Variants in TACC2 observed in about 807,000 individuals in gnomAD.
TACC2 encodes the protein transforming acidic coiled-coil-containing protein 2.
A neutral mutation model predicts 227.3 loss-of-function variants in TACC2; 137 were observed. The ratio of observed to expected loss-of-function variants is 0.60; its 90% CI spans 0.52 to 0.69. The LOEUF (loss-of-function observed/expected upper bound fraction) is 0.69. TACC2 is among the 30% of genes least tolerant of loss of function. TACC2 has a pLI of 0.00. For missense variants in TACC2, 3,470 were observed against 3,694.4 expected (o/e 0.94, Z 1.57); for synonymous variants, 1,523 against 1,487.5 (o/e 1.02, Z -0.55).
chr10:122,018,433 G>T (rs1054389670), intron 1 of TACC2, among the ~76,000 whole-genome samples: 4 of 152,070 alleles, frequency 2.6e-5, no homozygotes, highest in African/African-American at 9.7e-5. Flanking sequence ...TTGAAAGTGA[G>T]CAATTCAGTG....
rs979196237 is a variant in TACC2, at chr10:122,083,984, A to C, written c.1484A>C (p.Gln495Pro). ...DPGEVPAPSP[Q>P]ERGEHLNTEQ... ...GGAGAGGTTCCTGCCCCATCACCCC[A>C]GGAGAGGGGAGAGCACTTGAACACG... Residue 495 changes from glutamine to proline, a missense_variant, in exon 4 of 23, where the codon CAG (glutamine) becomes CCG (proline). Around this residue, in one of 10 missense-constraint regions of TACC2, gnomAD observed 1,924 missense variants for 1,978.3 expected, o/e 0.97. Transcript: ENST00000369005. 3 of 1,613,914 alleles carry C rather than the reference A, an allele frequency of 1.9e-6. No individual in the cohort carries two copies. In the African/African-American group the frequency reaches 4.0e-5, roughly 22 times the overall value.
At chr10:122,152,656 C>G (rs928182322) in intron 7 of TACC2, among the ~76,000 whole-genome samples, 1 of 152,220 alleles carries the variant, frequency 6.6e-6, no homozygotes, top group Non-Finnish European at 1.5e-5. Flanking sequence ...GAGGTTGGCA[C>G]GTGGTACCAG....
chr10:122,195,478 G>T (rs2094536053), intron 8 of TACC2, among the ~76,000 whole-genome samples: 1 of 152,122 alleles, frequency 6.6e-6, no homozygotes, highest in Admixed American at 6.5e-5. Flanking sequence ...TTGGCCCCTT[G>T]CTCTTTTAAG....
chr10:122,253,890 C>G, intron 22 of TACC2, 101 bp from the exon 23 acceptor site: 1 of 912,482 alleles, frequency 1.1e-6, no homozygotes, highest in Non-Finnish European at 1.8e-6. Context: ...TAGTGGGGAC[C>G]AAGGGGCCTG....
At chr10:122,136,189 T>TC (rs1405516812) in intron 6 of TACC2, among the ~76,000 whole-genome samples, 2 of 152,122 alleles carry the variant, frequency 1.3e-5, no homozygotes, top group African/African-American at 2.4e-5. Flanking sequence ...ATTCAGTGTC[T>TC]CCTAATTCAG....
chr10:122,210,444 T>A lies in TACC2; in HGVS notation c.6019T>A (p.Ser2007Thr), dbSNP rs1284928578. The A allele has an allele frequency of 6.2e-7, 1 of 1,614,112 alleles. No individual in the cohort carries two copies. Among genetic ancestry groups the A allele is most frequent in the African/African-American group, 1.3e-5 (1 of 75,026 alleles). ...TGTCCCTGATGGCCCACGGAGCGAC[T>A]CGGTGGAAGGAAGTCCCTTCCGTCC... ...VPVPDGPRSD[S>T]VEGSPFRPPS... The change falls in exon 9 of 23, where the codon TCG (serine) becomes ACG (threonine). Residue 2007 changes from serine (S) to threonine (T), a missense_variant. Coordinates refer to ENST00000369005, the MANE Select transcript of TACC2 (RefSeq NM_206862.4). This position sits in a 1 kb window ranked among gnomAD's most constrained non-coding sequence, Gnocchi z 4.6.
intron 22 of TACC2, 100 bp downstream of exon 22, chr10:122,249,764 G>C (rs996152233): frequency 6.4e-6 from 9 of 1,401,424 alleles, no homozygotes; most frequent in African/African-American, 4.3e-5. Context: ...GGCCACTGCT[G>C]CTCCTGAAGA....
intron 7 of TACC2, among the ~76,000 whole-genome samples, chr10:122,193,066 A>G (rs987442752): frequency 6.6e-6 from 1 of 152,234 alleles, no homozygotes; most frequent in Non-Finnish European, 1.5e-5. Flanking sequence ...GCCCTTTGAT[A>G]TTAATGAGTG....
chr10:122,122,302 C>T (rs903786654), intron 5 of TACC2, among the ~76,000 whole-genome samples: 1 of 152,084 alleles, frequency 6.6e-6, no homozygotes, highest in African/African-American at 2.4e-5. Context: ...TTGCACTGAG[C>T]CGAGATCGTG....
rs776048491 is a variant in TACC2, at chr10:122,083,481, C to T, written c.981C>T (p.Ala327=). 20 of 1,613,142 alleles carry T rather than the reference C, an allele frequency of 1.2e-5. No individual in the cohort carries two copies. The highest frequency in any genetic ancestry group is 2.2e-5 in the South Asian group (2 of 91,090). ...CTGCCCCAGAAGCAGAAGTGAATGCCGCTTCCCAGGAGAGCTGCCAGCAGC... is the reference window on the plus strand; with the variant it reads ...CTGCCCCAGAAGCAGAAGTGAATGCTGCTTCCCAGGAGAGCTGCCAGCAGC... ...SGAAPEAEVN[A]ASQESCQQPV... Residue 327 remains alanine, a synonymous_variant, in exon 4 of 23, where the codon GCC becomes GCT. Transcript: ENST00000369005.
intron 3 of TACC2, among the ~76,000 whole-genome samples, chr10:122,069,563 C>T (rs1204031548): frequency 6.6e-6 from 1 of 152,048 alleles, no homozygotes; most frequent in Non-Finnish European, 1.5e-5. Flanking sequence ...CTTCTATCTC[C>T]AGGATTCCTG....
rs377261932 is a variant in TACC2, at chr10:122,189,974, C to G, written c.5835-5066C>G. ...TCTTCCAACTTCCAAGATTTTATGG[C>G]CTTTGCAATTTATTATTTCAAGCCC... On this transcript the variant is annotated intron_variant, in intron 7 of 22. Coordinates refer to ENST00000369005, the MANE Select transcript of TACC2 (RefSeq NM_206862.4). Among the ~76,000 whole-genome samples the G allele has an allele frequency of 7.9e-5, 12 of 152,284 alleles. No homozygotes were observed. The East Asian group carries it at 1.4e-3, about 17-fold the overall frequency.
chr10:122,170,173 A>G (rs2093395438), intron 7 of TACC2, among the ~76,000 whole-genome samples: 2 of 151,892 alleles, frequency 1.3e-5, no homozygotes, highest in African/African-American at 2.4e-5. Context: ...TGTGCATTCA[A>G]ACGAACCCAG....
intron 4 of TACC2, 104 bp from the exon 5 acceptor site, chr10:122,088,368 TAGTAGC>T: frequency 2.0e-6 from 2 of 990,056 alleles, no homozygotes. Context: ...TTTTTTTTTG[TAGTAGC>T]CACTTAAAAC....
At chr10:122,203,541 G>A (rs1329856738) in intron 8 of TACC2, among the ~76,000 whole-genome samples, 3 of 150,958 alleles carry the variant, frequency 2.0e-5, no homozygotes, top group Admixed American at 6.6e-5. Flanking sequence ...GGGCAGAGAC[G>A]CTCCTCACAT....
chr10:122,041,781 G>C (rs1344191854), intron 2 of TACC2, among the ~76,000 whole-genome samples: 1 of 152,210 alleles, frequency 6.6e-6, no homozygotes, highest in Non-Finnish European at 1.5e-5. Context: ...TCACCTGTCT[G>C]CTCCCACAGC....
chr10:122,123,682 C>T (rs1443796027), intron 5 of TACC2, among the ~76,000 whole-genome samples: 1 of 152,126 alleles, frequency 6.6e-6, no homozygotes, highest in African/African-American at 2.4e-5. Context: ...CTTTGCTTCT[C>T]TTTTCAAAAC....
In TACC2 at chr10:122,230,454, G is replaced by C. The variant is rs1303732557; in HGVS notation, c.8127+14G>C. The C allele has an allele frequency of 1.9e-6, 3 of 1,611,694 alleles. No homozygotes were observed. The highest frequency in any genetic ancestry group is 1.3e-5 in the African/African-American group (1 of 74,888). ...CAGGATGCCAAGGTACCGGTTTGCT[G>C]CTGCGTGCGCCACCTCCTGAGAATG... On this transcript the variant is annotated intron_variant, in intron 16 of 22. Transcript: ENST00000369005.
In TACC2 at chr10:122,082,911, T is replaced by TCCCAGGAGGGAACCTGCCCCAAATGC; in HGVS notation, c.420_445dup (p.Asp149GlyfsTer70). ...CTGAAGATGGTCCTCAGACTCAGTCTCCCAGGAGGGAACCTGCCCCAAATG... is the reference window on the plus strand; with the variant it reads ...CTGAAGATGGTCCTCAGACTCAGTCTCCCAGGAGGGAACCTGCCCCAAATGCCCCAGGAGGGAACCTGCCCCAAATG... On this transcript the variant is annotated frameshift_variant, in exon 4 of 23. Transcript: ENST00000369005. LOFTEE classifies it high-confidence loss of function. The TCCCAGGAGGGAACCTGCCCCAAATGC allele has an allele frequency of 5.6e-6, 9 of 1,613,102 alleles. No individual in the cohort carries two copies. Among genetic ancestry groups the TCCCAGGAGGGAACCTGCCCCAAATGC allele is most frequent in the Non-Finnish European group, 7.6e-6 (9 of 1,180,008 alleles).
Sources: allele counts gnomAD v4.1 joint callset (sites outside exome capture counted in the v4.1 genomes callset), GRCh38; gene constraint gnomAD v4.1.1; regional missense constraint gnomAD v4.1.1; non-coding constraint Gnocchi (gnomAD v3.1); transcripts MANE v1.5; gene names NCBI Gene and HGNC (gene_info 2026-07-23, HGNC 2026-07-21).